PALD1: variants seen among roughly 807,000 people sequenced by gnomAD.
PALD1 encodes phosphatase domain containing paladin 1.
A neutral mutation model predicts 96.0 loss-of-function variants in PALD1; 57 were observed. The observed-to-expected ratio is 0.59, with a 90% CI of 0.48 to 0.74. The LOEUF (loss-of-function observed/expected upper bound fraction) is 0.74. Ranked by LOEUF, PALD1 falls within the 30% of genes least tolerant of loss-of-function variation. The pLI is 0.00. For synonymous variants in PALD1, 464 were observed against 473.6 expected (o/e 0.98, Z 0.26); for missense variants, 1,063 against 1,143.7 (o/e 0.93, Z 1.02).
At chr10:70,554,154 C>G (rs1021143315) in intron 18 of PALD1, among the ~76,000 whole-genome samples, 1 of 152,232 alleles carries the variant, frequency 6.6e-6, no homozygotes, top group African/African-American at 2.4e-5. Flanking sequence ...CAAGGCCATG[C>G]ACTCTGGCTC....
chr10:70,501,552 C>T (rs976213018), intron 1 of PALD1, among the ~76,000 whole-genome samples: 4 of 152,142 alleles, frequency 2.6e-5, no homozygotes, highest in African/African-American at 4.8e-5. Flanking sequence ...AGTGGCACCT[C>T]GGGAGCGTCC....
At chr10:70,482,403 G>A (rs1235642676) in intron 1 of PALD1, among the ~76,000 whole-genome samples, 2 of 152,168 alleles carry the variant, frequency 1.3e-5, no homozygotes, top group African/African-American at 4.8e-5. Flanking sequence ...CCCTGTCTTG[G>A]GCCAAGGCAC....
intron 17 of PALD1, among the ~76,000 whole-genome samples, chr10:70,545,979 G>C (rs947023388): frequency 6.6e-6 from 1 of 151,792 alleles, no homozygotes. Flanking sequence ...GCTCATGCCT[G>C]TAATCCCAGC....
intron 18 of PALD1, among the ~76,000 whole-genome samples, chr10:70,558,681 G>A (rs1343814695): frequency 7.0e-6 from 1 of 143,666 alleles, no homozygotes; most frequent in Non-Finnish European, 1.5e-5. Context: ...AAGAATTTTA[G>A]CAAATTCTTG....
At chr10:70,507,203 A>G (rs1301243589) in intron 1 of PALD1, among the ~76,000 whole-genome samples, 1 of 151,184 alleles carries the variant, frequency 6.6e-6, no homozygotes, top group African/African-American at 2.4e-5. Context: ...GGAGTTCAAG[A>G]CCAGCCTGGC....
chr10:70,556,279 C>CCT (rs112574716), intron 18 of PALD1, among the ~76,000 whole-genome samples: 4,208 of 128,654 alleles, frequency 0.033, 159 homozygotes, highest in African/African-American at 0.1. Context: ...GTAGCCGAGA[C>CCT]CTCTCTCTCT....
At position 70,545,738 on chromosome 10, in the gene PALD1, GGGGTGGGGAATTATATCA is replaced by G. The variant is rs1431176767; in HGVS notation, c.2122-1566_2122-1549del. Among the ~76,000 whole-genome samples the G allele has an allele frequency of 2.0e-5, 3 of 151,864 alleles. No individual in the cohort carries two copies. The South Asian group carries it at 6.2e-4, about 32-fold the overall frequency. ...CAGGTATGAGCCACTGCACCTGGCT[GGGGTGGGGAATTATATCA>G]GATGAGTGGTGTCCAACTCTGAGCG... On this transcript the variant is annotated intron_variant, in intron 17 of 19. Transcript: ENST00000263563.
At chr10:70,524,629 C>T (rs1274292040) in intron 1 of PALD1, among the ~76,000 whole-genome samples, 1 of 152,242 alleles carries the variant, frequency 6.6e-6, no homozygotes, top group East Asian at 1.9e-4. Flanking sequence ...CCCTTGGACT[C>T]ATCCTGATGC....
At chr10:70,471,861 G>T in the PALD1 span, among the ~76,000 whole-genome samples, 1 of 152,204 alleles carries the variant, frequency 6.6e-6, no homozygotes, top group Admixed American at 6.5e-5. Context: ...GTGGTGGTCT[G>T]GCTGGGATAA....
chr10:70,463,055 C>G, the PALD1 span, among the ~76,000 whole-genome samples: 3 of 152,314 alleles, frequency 2.0e-5, no homozygotes, highest in South Asian at 6.2e-4. Flanking sequence ...CTGGAGAGTT[C>G]AGATTGCACC....
intron 7 of PALD1, 50 bp downstream of exon 7, chr10:70,533,120 C>G: frequency 6.8e-7 from 1 of 1,463,274 alleles, no homozygotes; most frequent in Non-Finnish European, 9.4e-7. Context: ...GAGTCGTCCC[C>G]ATGGAGGTGC....
At chr10:70,467,180 G>A in the PALD1 span, among the ~76,000 whole-genome samples, 6 of 152,064 alleles carry the variant, frequency 3.9e-5, no homozygotes, top group African/African-American at 1.4e-4. Context: ...GAGAAAGCAG[G>A]GTTTCATTCT....
rs767940630 is a variant in PALD1 at position 70,566,767 on chromosome 10, C to T, written c.*34C>T. 3 of 1,479,692 alleles carry T rather than the reference C, an allele frequency of 2.0e-6. No homozygotes were observed. Among genetic ancestry groups the T allele is most frequent in the Non-Finnish European group, 1.8e-6 (2 of 1,087,372 alleles). The allele number at this position is 1,479,692 out of a possible 1,614,324, so 91.7% of individuals were successfully genotyped here. On this transcript the variant is annotated 3_prime_UTR_variant, in exon 20 of 20. Coordinates refer to ENST00000263563, the MANE Select transcript of PALD1 (RefSeq NM_014431.3). ...ACTCCCTGTCCCCCCACCCACAGGG[C>T]CCCACGCAGGCCTGGGGTGTCTGAG...
Position 70,566,743 on chromosome 10 carries a change from C to T in PALD1, c.*10C>T. On this transcript the variant is annotated 3_prime_UTR_variant, in exon 20 of 20. Transcript: ENST00000263563. ...CGAGGACTTGCTGTAGGGGGCCTTACTCCCTGTCCCCCCACCCACAGGGCC... is the reference window on the plus strand; with the variant it reads ...CGAGGACTTGCTGTAGGGGGCCTTATTCCCTGTCCCCCCACCCACAGGGCC... The T allele has an allele frequency of 6.4e-7, 1 of 1,563,660 alleles. No individual in the cohort carries two copies. The highest frequency in any genetic ancestry group is 1.8e-5 in the Admixed American group (1 of 55,602).
intron 7 of PALD1, among the ~76,000 whole-genome samples, 166 bp from the exon 8 acceptor site, chr10:70,533,756 C>T (rs183678190): frequency 2.5e-4 from 38 of 152,352 alleles, no homozygotes; most frequent in African/African-American, 7.7e-4. Flanking sequence ...GCAGGTGGAG[C>T]TGATCAGGCT....
At position 70,538,538 on chromosome 10, in the gene PALD1, T is replaced by TG. The variant is rs951527100; in HGVS notation, c.1452+133dup. ...GGTGAAGAAGAGAGGCTGTGGGTGT[T>TG]GGGATCCTCTTGTGAACAGAATGGG... On this transcript the variant is annotated intron_variant, in intron 12 of 19. Transcript: ENST00000263563. 4.5e-5 allele frequency: 44 copies of TG among 978,824 alleles called. No homozygotes were observed. The African/African-American group carries it at 4.9e-4, about 11-fold the overall frequency. 60.6% of individuals were successfully genotyped at this position (978,824 alleles called of 1,614,324 possible).
intron 1 of PALD1, among the ~76,000 whole-genome samples, chr10:70,499,413 C>G (rs1846253668): frequency 6.6e-6 from 1 of 152,204 alleles, no homozygotes; most frequent in Non-Finnish European, 1.5e-5. Flanking sequence ...GCAGCAGCCT[C>G]TGGGCCAGGC....
chr10:70,483,947 A>G (rs1468064504), intron 1 of PALD1, among the ~76,000 whole-genome samples: 1 of 152,174 alleles, frequency 6.6e-6, no homozygotes, highest in Admixed American at 6.5e-5. Flanking sequence ...GCCACCTTCC[A>G]TGATTGAACA....
intron 1 of PALD1, among the ~76,000 whole-genome samples, chr10:70,487,187 G>A (rs544425616): frequency 8.2e-4 from 118 of 143,890 alleles, no homozygotes; most frequent in African/African-American, 2.9e-3. Flanking sequence ...AGGCTGGAGT[G>A]CAGTGGCATA....
Sources: allele counts gnomAD v4.1 joint callset (sites outside exome capture counted in the v4.1 genomes callset), GRCh38; gene constraint gnomAD v4.1.1; transcripts MANE v1.5; gene names NCBI Gene and HGNC (gene_info 2026-07-23, HGNC 2026-07-21).